DCC: variants seen among roughly 807,000 people sequenced by gnomAD.
DCC encodes the protein netrin receptor DCC.
A neutral mutation model predicts 172.5 loss-of-function variants in DCC; 58 were observed. The observed-to-expected ratio is 0.34, with a 90% CI of 0.27 to 0.42. The LOEUF (loss-of-function observed/expected upper bound fraction) is 0.42, where lower values mean the gene tolerates loss of function less well. Ranked by LOEUF, DCC falls within the 10% of genes least tolerant of loss-of-function variation. The pLI, the probability that DCC is intolerant of heterozygous loss-of-function variation, is 1.00. For synonymous variants in DCC, 709 were observed against 644.5 expected (o/e 1.10, Z -1.52); for missense variants, 1,740 against 1,791.0 (o/e 0.97, Z 0.51).
chr18:52,901,817 C>A (rs890540935), intron 2 of DCC, among the ~76,000 whole-genome samples: 2 of 152,130 alleles, frequency 1.3e-5, no homozygotes, highest in Non-Finnish European at 2.9e-5. Flanking sequence ...TTTTTTCTTT[C>A]AGTAAATATT....
chr18:52,758,634 T>C (rs2037112795), intron 2 of DCC, among the ~76,000 whole-genome samples: 1 of 151,480 alleles, frequency 6.6e-6, no homozygotes, highest in African/African-American at 2.4e-5. Flanking sequence ...TTTTGTGAAA[T>C]GATAACCTGA....
At position 53,146,883 on chromosome 18, in the gene DCC, C is replaced by A. The variant is rs1445562879; in HGVS notation, c.1262-10473C>A. Among the ~76,000 whole-genome samples, 3 of 152,042 alleles carry A rather than the reference C, an allele frequency of 2.0e-5. No homozygotes were observed. In the South Asian group the frequency reaches 6.2e-4, roughly 32 times the overall value. On this transcript the variant is annotated intron_variant, in intron 7 of 28. Coordinates refer to ENST00000442544, the MANE Select transcript of DCC (RefSeq NM_005215.4). ...AGTTTGAATTAATAGATGTATTGAT[C>A]AACCATAATTCAAATCAATATGGAT...
chr18:53,077,215 A>C lies in DCC; in HGVS notation c.1261+11049A>C, dbSNP rs538591081. Among the ~76,000 whole-genome samples the C allele has an allele frequency of 3.9e-4, 60 of 152,126 alleles. 1 individual carries two copies. In the South Asian group the frequency reaches 4.2e-3, roughly 11 times the overall value. On this transcript the variant is annotated intron_variant, in intron 7 of 28. Transcript: ENST00000442544. ...TGACCTTGTTCACATGTATATATAT[A>C]TATATAGTCCTACCTTGAGCCATTT...
At chr18:53,048,138 G>T (rs905440961) in intron 5 of DCC, among the ~76,000 whole-genome samples, 1 of 151,772 alleles carries the variant, frequency 6.6e-6, no homozygotes, top group East Asian at 1.9e-4. Flanking sequence ...CTTTATTTTA[G>T]GTTCAGGGGT....
At chr18:52,438,900 G>A (rs757681908) in intron 1 of DCC, among the ~76,000 whole-genome samples, 1 of 152,106 alleles carries the variant, frequency 6.6e-6, no homozygotes, top group Non-Finnish European at 1.5e-5. Context: ...GAATTGAAGG[G>A]ACCAGCAATT....
chr18:52,916,512 A>T (rs2040043629), intron 3 of DCC, among the ~76,000 whole-genome samples: 1 of 152,220 alleles, frequency 6.6e-6, no homozygotes, highest in African/African-American at 2.4e-5. Flanking sequence ...ATGTTTCAAC[A>T]TTTGGAAGAT....
chr18:52,372,218 G>A (rs1307053460), intron 1 of DCC, among the ~76,000 whole-genome samples: 1 of 152,176 alleles, frequency 6.6e-6, no homozygotes, highest in Non-Finnish European at 1.5e-5. Flanking sequence ...CTTTCTGTAC[G>A]AGAGTAGTAA....
At chr18:52,919,732 A>C (rs1178879882) in intron 3 of DCC, among the ~76,000 whole-genome samples, 1 of 152,118 alleles carries the variant, frequency 6.6e-6, no homozygotes, top group Non-Finnish European at 1.5e-5. Context: ...AAACAACATG[A>C]ATCTAAAAGT....
intron 5 of DCC, among the ~76,000 whole-genome samples, chr18:53,017,539 T>C (rs1242964341): frequency 6.6e-6 from 1 of 152,190 alleles, no homozygotes; most frequent in Admixed American, 6.5e-5. Flanking sequence ...TACTAAATTC[T>C]AAGTCTGTAG....
chr18:53,445,547 A>T (rs965259396), intron 22 of DCC, among the ~76,000 whole-genome samples: 1 of 152,228 alleles, frequency 6.6e-6, no homozygotes, highest in African/African-American at 2.4e-5. Context: ...TTCAATGATA[A>T]TTAAGTACTC....
chr18:53,263,915 G>A (rs1568399858), intron 12 of DCC, among the ~76,000 whole-genome samples: 2 of 151,834 alleles, frequency 1.3e-5, no homozygotes, highest in Non-Finnish European at 2.9e-5. Context: ...ATTTTTTAAA[G>A]GAATAATTAC....
intron 12 of DCC, among the ~76,000 whole-genome samples, chr18:53,275,618 G>A (rs1381696789): frequency 1.3e-5 from 2 of 151,960 alleles, no homozygotes; most frequent in Non-Finnish European, 2.9e-5. Context: ...AAACAAACAT[G>A]GCTACTCTGA....
intron 1 of DCC, among the ~76,000 whole-genome samples, chr18:52,559,728 A>G (rs11082930): frequency 0.28 from 43,062 of 151,656 alleles, 6,793 homozygotes; most frequent in East Asian, 0.58. Context: ...AAGGGCCCCA[A>G]ATTTGATTTA....
intron 2 of DCC, among the ~76,000 whole-genome samples, chr18:52,871,837 A>G (rs2039323908): frequency 6.6e-6 from 1 of 152,210 alleles, no homozygotes; most frequent in South Asian, 2.1e-4. Flanking sequence ...TGCTACATGG[A>G]AGATAATCAC....
At chr18:52,979,659 CAG>C (rs1037383447) in intron 5 of DCC, among the ~76,000 whole-genome samples, 4 of 152,168 alleles carry the variant, frequency 2.6e-5, no homozygotes, top group African/African-American at 7.2e-5. Context: ...AGCTTGTGTT[CAG>C]AGTTACCCAT....
intron 2 of DCC, among the ~76,000 whole-genome samples, chr18:52,862,575 G>A (rs2039160186): frequency 6.6e-6 from 1 of 152,072 alleles, no homozygotes; most frequent in Non-Finnish European, 1.5e-5. Context: ...GCACGTGCCT[G>A]TAGTTCCAGC....
At chr18:52,635,450 T>G (rs2034756789) in intron 1 of DCC, among the ~76,000 whole-genome samples, 1 of 152,214 alleles carries the variant, frequency 6.6e-6, no homozygotes, top group African/African-American at 2.4e-5. Context: ...ATACACCTAC[T>G]GTATTACATA....
chr18:53,510,515 G>C (rs547225394), intron 27 of DCC, among the ~76,000 whole-genome samples: 6 of 152,316 alleles, frequency 3.9e-5, no homozygotes, highest in African/African-American at 1.4e-4. Context: ...AAGAGTATGT[G>C]TTTGAGGAGG....
chr18:53,485,442 T>C (rs576044142), intron 25 of DCC, among the ~76,000 whole-genome samples: 60 of 152,170 alleles, frequency 3.9e-4, no homozygotes, highest in African/African-American at 1.4e-3. Context: ...ACTAAAGCAA[T>C]TTTTGTTGAA....
Sources: gnomAD v4.1 joint callset for allele counts (sites outside exome capture counted in the v4.1 genomes callset) on GRCh38, gnomAD v4.1.1 for gene constraint, MANE v1.5 for transcripts, NCBI Gene and HGNC (gene_info 2026-07-23, HGNC 2026-07-21) for gene names.